The following RADX variants were observed in gnomAD, a reference collection of about 807,000 sequenced individuals.
The protein encoded by RADX is RPA-related protein RADX.
RADX carries 36 observed loss-of-function variants against 61.6 expected under a neutral mutation model. The ratio of observed to expected loss-of-function variants is 0.58; its 90% CI spans 0.45 to 0.77. The LOEUF (loss-of-function observed/expected upper bound fraction) is 0.77. Among genes scored for constraint, RADX ranks in the 30% least tolerant of loss-of-function variants. The probability of loss-of-function intolerance (pLI) is 0.00; values close to 1 mark genes in which losing one functional copy is unlikely to be tolerated. For synonymous variants in RADX, 272 were observed against 237.9 expected, an observed-to-expected ratio of 1.14 and a Z score of -1.32; for missense variants, 497 against 651.1, an observed-to-expected ratio of 0.76 and a Z score of 2.58.
intron 6 of RADX, 45 bp downstream of exon 6, chrX:106,633,297 A>G: frequency 9.2e-7 from 1 of 1,089,768 alleles, no homozygotes; most frequent in Non-Finnish European, 1.2e-6. Context: ...GAAGTAGGAG[A>G]ATTAACTTTA....
intron 1 of RADX, among the ~76,000 whole-genome samples, chrX:106,616,875 C>G (rs1926815880): frequency 9.0e-6 from 1 of 110,508 alleles, no homozygotes; most frequent in Non-Finnish European, 1.9e-5. Context: ...CTTTTGGAGT[C>G]TAAATTTCAC....
intron 10 of RADX, among the ~76,000 whole-genome samples, chrX:106,646,491 G>A: frequency 9.0e-6 from 1 of 111,592 alleles, no homozygotes; most frequent in East Asian, 2.8e-4. Context: ...TTGTGGAAGA[G>A]ACAGACTTTT....
At chrX:106,630,353 A>AAC (rs1927186272) in intron 3 of RADX, among the ~76,000 whole-genome samples, 7 of 110,066 alleles carry the variant, frequency 6.4e-5, no homozygotes, top group African/African-American at 2.3e-4. Context: ...AACAAAAAAA[A>AAC]AAAAAAACAC....
intron 10 of RADX, among the ~76,000 whole-genome samples, chrX:106,645,126 T>C (rs1055763810): frequency 1.8e-5 from 2 of 110,820 alleles, no homozygotes; most frequent in Admixed American, 1.9e-4. Flanking sequence ...TCCTTTTTCA[T>C]TTCTAATTTA....
At chrX:106,638,177 G>T in intron 8 of RADX, 1 of 258,693 alleles carries the variant, frequency 3.9e-6, no homozygotes, top group Non-Finnish European at 6.8e-6. Context: ...GAAGAAAAGA[G>T]AAAACACAGA....
chrX:106,672,402 G>C (rs1928387914), intron 13 of RADX, among the ~76,000 whole-genome samples: 6 of 110,996 alleles, frequency 5.4e-5, no homozygotes, highest in Admixed American at 2.9e-4. Context: ...TGATGGTCTT[G>C]GACAAGATCC....
chrX:106,641,967 C>G (rs1418278452), intron 10 of RADX, among the ~76,000 whole-genome samples: 1 of 111,973 alleles, frequency 8.9e-6, no homozygotes, highest in South Asian at 3.7e-4. Flanking sequence ...CCCAAACACT[C>G]ATAAAGCAGA....
At chrX:106,666,221 A>G (rs1166155952) in intron 12 of RADX, among the ~76,000 whole-genome samples, 2 of 112,019 alleles carry the variant, frequency 1.8e-5, no homozygotes, top group East Asian at 5.6e-4. Flanking sequence ...GATCATTAAG[A>G]TACACAATAG....
chrX:106,647,583 G>A (rs962209650), intron 10 of RADX, among the ~76,000 whole-genome samples: 2 of 110,920 alleles, frequency 1.8e-5, no homozygotes, highest in Non-Finnish European at 3.8e-5. Context: ...CTTCATAGTG[G>A]ATATACTAAT....
At position 106,671,950 on chromosome X, in the gene RADX, G is replaced by C. The variant is rs145877312; in HGVS notation, c.2437+2620G>C. Among the ~76,000 whole-genome samples, 619 of 111,177 alleles carry C rather than the reference G, an allele frequency of 5.6e-3. 6 individuals are homozygous for C. Among genetic ancestry groups the C allele is most frequent in the African/African-American group, 0.018 (563 of 30,602 alleles). The stretch of plus-strand genomic sequence containing the variant: ...TTGACATTGTTTCAATGGGATGTTT[G>C]TTTTGGTTGTTTAAGTAATTTTACT... On this transcript the variant is annotated intron_variant, in intron 13 of 13. Transcript: ENST00000372548.
chrX:106,638,161 A>G (rs1225706786), intron 8 of RADX: 1 of 281,404 alleles, frequency 3.6e-6, no homozygotes, highest in Non-Finnish European at 6.2e-6. Flanking sequence ...GATTTTTATC[A>G]GACTGGAAGA....
chrX:106,664,624 G>A (rs1346063643), intron 12 of RADX, among the ~76,000 whole-genome samples: 1 of 109,722 alleles, frequency 9.1e-6, no homozygotes. Flanking sequence ...AGTACTTCAC[G>A]CTCTAATAGT....
intron 10 of RADX, among the ~76,000 whole-genome samples, chrX:106,646,605 G>C (rs1049240422): frequency 1.8e-5 from 2 of 111,014 alleles, no homozygotes; most frequent in African/African-American, 6.5e-5. Flanking sequence ...AAGAGATCAA[G>C]GGAAGCTTCT....
Position 106,622,700 on chromosome X carries a change from A to T in RADX, c.693A>T (p.Arg231Ser). The change falls in exon 2 of 14, where the codon AGA becomes AGT. Residue 231 changes from arginine (R) to serine (S), a missense_variant. Transcript: ENST00000372548. ...ATCTTGAAATGACCTGGACTAACAG[A>T]AGAAATTTTCCTGCATTGCTTGTGA... The part of the protein sequence containing the change: ...LSHLEMTWTN[R>S]RNFPALLVRI... 1 of 1,192,706 alleles carries T rather than the reference A, an allele frequency of 8.4e-7. No homozygotes were observed. Among genetic ancestry groups the T allele is most frequent in the Non-Finnish European group, 1.1e-6 (1 of 882,654 alleles).
At chrX:106,642,628 C>A (rs1450873093) in intron 10 of RADX, among the ~76,000 whole-genome samples, 1 of 111,732 alleles carries the variant, frequency 8.9e-6, no homozygotes, top group Non-Finnish European at 1.9e-5. Context: ...GTATATGTAT[C>A]ACATTTTCTT....
chrX:106,627,118 G>A (rs1927091596), intron 3 of RADX, among the ~76,000 whole-genome samples: 1 of 112,071 alleles, frequency 8.9e-6, no homozygotes, highest in Non-Finnish European at 1.9e-5. Context: ...AACTCTGGCT[G>A]TATATTGAAA....
At chrX:106,622,899 G>C in intron 2 of RADX, 106 bp downstream of exon 2, 1 of 408,527 alleles carries the variant, frequency 2.4e-6, no homozygotes, top group Non-Finnish European at 4.0e-6. Context: ...CATTTCATAA[G>C]TTCAATGTAA....
intron 13 of RADX, 133 bp downstream of exon 13, chrX:106,669,463 A>T: frequency 2.4e-6 from 1 of 425,100 alleles, no homozygotes. Flanking sequence ...TTATTTGGTA[A>T]ATGTTCCCCA....
At chrX:106,637,580 T>A (rs1264662029) in intron 7 of RADX, among the ~76,000 whole-genome samples, 180 bp from the exon 8 acceptor site, 1 of 112,050 alleles carries the variant, frequency 8.9e-6, no homozygotes, top group Non-Finnish European at 1.9e-5. Context: ...CTTCTTAGGA[T>A]TTATTTACTG....
Sources: gnomAD v4.1 joint callset for allele counts (sites outside exome capture counted in the v4.1 genomes callset) on GRCh38, gnomAD v4.1.1 for gene constraint, MANE v1.5 for transcripts, NCBI Gene and HGNC (gene_info 2026-07-23, HGNC 2026-07-21) for gene names.